Variants in ADCYAP1R1 observed in about 807,000 individuals in gnomAD.
The protein encoded by ADCYAP1R1 is ADCYAP receptor type I.
Under a neutral mutation model 67.6 loss-of-function variants are expected in ADCYAP1R1, and 44 were observed. The observed-to-expected ratio is 0.65, with a 90% CI of 0.51 to 0.84. ADCYAP1R1 has a LOEUF of 0.84. Ranked by LOEUF, ADCYAP1R1 falls within the 40% of genes least tolerant of loss-of-function variation. The probability of loss-of-function intolerance (pLI) is 0.00; values close to 1 mark genes in which losing one functional copy is unlikely to be tolerated. For missense variants in ADCYAP1R1, 477 were observed against 587.9 expected (o/e 0.81, Z 1.95); for synonymous variants, 222 against 219.6 (o/e 1.01, Z -0.10).
intron 6 of ADCYAP1R1, among the ~76,000 whole-genome samples, chr7:31,083,912 G>C (rs1316660745): frequency 1.3e-5 from 2 of 152,208 alleles, no homozygotes; most frequent in Non-Finnish European, 2.9e-5. Flanking sequence ...GGGATGCAGG[G>C]ATGCTGGATT....
intron 1 of ADCYAP1R1, among the ~76,000 whole-genome samples, chr7:31,053,564 G>A (rs1451983863): frequency 6.6e-6 from 1 of 152,218 alleles, no homozygotes; most frequent in African/African-American, 2.4e-5. Flanking sequence ...CATTTCACGT[G>A]GAGCTGAGGA....
rs1796810446 is a variant in ADCYAP1R1, at chr7:31,110,243, T to G, written c.*3559T>G. On this transcript the variant is annotated 3_prime_UTR_variant, in exon 16 of 16. Coordinates refer to ENST00000304166, the MANE Select transcript of ADCYAP1R1 (RefSeq NM_001118.5). Reference sequence around the variant, plus strand: ...TATCATTTAGTATTATCATAAAGTATTAATACTTTGTCATAAAGTCCTCCT... The same window carrying G: ...TATCATTTAGTATTATCATAAAGTAGTAATACTTTGTCATAAAGTCCTCCT... The G allele has an allele frequency of 6.6e-6, 1 of 151,860 alleles. No homozygotes were observed. The allele number at this position is 151,860 out of a possible 1,614,324, so 9.4% of individuals were successfully genotyped here. A position where few individuals can be genotyped will look rare whatever the true frequency, so the allele number is the denominator to read the frequency against.
chr7:31,076,750 G>T (rs547154882), intron 3 of ADCYAP1R1, among the ~76,000 whole-genome samples: 2 of 152,170 alleles, frequency 1.3e-5, no homozygotes, highest in Non-Finnish European at 2.9e-5. Flanking sequence ...GGGAGTAGGT[G>T]GGGGGAGTGG....
intron 12 of ADCYAP1R1, 24 bp from the exon 13 acceptor site, chr7:31,092,620 G>C: frequency 6.9e-7 from 1 of 1,441,324 alleles, no homozygotes; most frequent in South Asian, 1.2e-5. Flanking sequence ...ATGTCCATCT[G>C]CTTTTTTTTT....
chr7:31,095,579 C>T (rs921126081), intron 13 of ADCYAP1R1: 1 of 712,550 alleles, frequency 1.4e-6, no homozygotes, highest in Non-Finnish European at 2.6e-6. Flanking sequence ...TGCCAGAGTC[C>T]CCTGGGGTAC....
chr7:31,106,672 T>C lies in ADCYAP1R1; in HGVS notation c.1395T>C (p.Asn465=). The C allele has an allele frequency of 5.6e-6, 9 of 1,608,774 alleles. No homozygotes were observed. Among genetic ancestry groups the C allele is most frequent in the Non-Finnish European group, 7.6e-6 (9 of 1,177,368 alleles). Residue 465 remains asparagine (N), a synonymous_variant, in exon 16 of 16, where the codon AAT becomes AAC. Transcript: ENST00000304166. Reference sequence around the variant, plus strand: ...GCATGTCTGGCCTCCCTGCTGACAATCTGGCCACCTGAGCCATGCTCCCCT... The same window carrying C: ...GCATGTCTGGCCTCCCTGCTGACAACCTGGCCACCTGAGCCATGCTCCCCT... ...QIRMSGLPAD[N]LAT is the part of the protein sequence containing the mutation.
intron 13 of ADCYAP1R1, chr7:31,100,101 A>G: frequency 6.5e-7 from 1 of 1,549,472 alleles, no homozygotes; most frequent in South Asian, 1.2e-5. Flanking sequence ...CCCAGCTGAC[A>G]GAAGTGCTAA....
At chr7:31,075,609 C>T (rs542317000) in intron 3 of ADCYAP1R1, among the ~76,000 whole-genome samples, 4 of 152,242 alleles carry the variant, frequency 2.6e-5, no homozygotes, top group South Asian at 2.1e-4. Context: ...TGAGCTGTCT[C>T]GTCCCATGGC....
chr7:31,075,781 G>A (rs551385108), intron 3 of ADCYAP1R1, among the ~76,000 whole-genome samples: 8 of 152,270 alleles, frequency 5.3e-5, no homozygotes, highest in South Asian at 2.1e-4. Flanking sequence ...AAAAGCTTCT[G>A]GTCATAGCTG....
Position 31,086,264 on chromosome 7 carries a change from C to A in ADCYAP1R1, c.670-120C>A. On this transcript the variant is annotated intron_variant, in intron 9 of 15. Transcript: ENST00000304166. This position sits in a 1 kb window ranked among gnomAD's most constrained non-coding sequence, Gnocchi z 5.0. ...CAACTCTTTGATCCAGGAATATTGA[C>A]TCTCTTAGATCCTTGGGATGTTTGA... 1 of 1,031,056 alleles carries A rather than the reference C, an allele frequency of 9.7e-7. No individual in the cohort carries two copies. The allele number at this position is 1,031,056 out of a possible 1,614,324, so 63.9% of individuals were successfully genotyped here.
intron 12 of ADCYAP1R1, among the ~76,000 whole-genome samples, chr7:31,090,335 T>C (rs1795914506): frequency 6.6e-6 from 1 of 152,230 alleles, no homozygotes; most frequent in Admixed American, 6.5e-5. Flanking sequence ...TAATTATATT[T>C]TCTCCTTTTT....
intron 1 of ADCYAP1R1, among the ~76,000 whole-genome samples, chr7:31,059,430 G>T (rs1038589228): frequency 6.6e-6 from 1 of 152,182 alleles, no homozygotes; most frequent in Non-Finnish European, 1.5e-5. Flanking sequence ...AAAACTATCT[G>T]CCCCAACAGA....
At chr7:31,060,775 CTATT>C (rs1256008893) in intron 1 of ADCYAP1R1, among the ~76,000 whole-genome samples, 4 of 152,162 alleles carry the variant, frequency 2.6e-5, no homozygotes, top group Admixed American at 6.5e-5. Context: ...CACTCTCTGT[CTATT>C]TGCTGCCACC....
chr7:31,055,129 C>T (rs560542241), intron 1 of ADCYAP1R1, among the ~76,000 whole-genome samples: 18 of 152,218 alleles, frequency 1.2e-4, no homozygotes, highest in South Asian at 6.2e-4. Flanking sequence ...ACAGCTGGGA[C>T]GGCATATAGG....
At chr7:31,098,538 A>C (rs115686559) in intron 13 of ADCYAP1R1, among the ~76,000 whole-genome samples, 1 of 152,080 alleles carries the variant, frequency 6.6e-6, no homozygotes, top group Non-Finnish European at 1.5e-5. Context: ...GTTGGTGTTG[A>C]TGGTCTGGGG....
intron 6 of ADCYAP1R1, among the ~76,000 whole-genome samples, chr7:31,082,256 G>A (rs551286442): frequency 3.9e-5 from 6 of 152,196 alleles, no homozygotes; most frequent in African/African-American, 1.4e-4. Context: ...TCGTGTTCCT[G>A]TGCAGTTACT....
intron 12 of ADCYAP1R1, among the ~76,000 whole-genome samples, chr7:31,090,622 A>G (rs1458231085): frequency 6.6e-6 from 1 of 152,146 alleles, no homozygotes; most frequent in East Asian, 1.9e-4. Context: ...TTTTATGTCC[A>G]TGAGTGCTCA....
intron 6 of ADCYAP1R1, among the ~76,000 whole-genome samples, chr7:31,082,907 G>C (rs1795569142): frequency 6.6e-6 from 1 of 152,252 alleles, no homozygotes; most frequent in Non-Finnish European, 1.5e-5. Context: ...ACTGGCCTTA[G>C]ATCTTCTAAT....
At position 31,085,777 on chromosome 7, in the gene ADCYAP1R1, G is replaced by T. The variant is rs189267225; in HGVS notation, c.669+335G>T. ...CTGATGCTGAGAGAGGGCTTACCTA[G>T]CCCCTGGTCATTTAACTAGCCTGGG... On this transcript the variant is annotated intron_variant, in intron 9 of 15. Coordinates refer to ENST00000304166, the MANE Select transcript of ADCYAP1R1 (RefSeq NM_001118.5). Among the ~76,000 whole-genome samples, 115 of 152,324 alleles carry T rather than the reference G, an allele frequency of 7.5e-4. No individual in the cohort carries two copies. In the South Asian group the frequency reaches 9.3e-3, roughly 12 times the overall value.
Sources: gnomAD v4.1 joint callset for allele counts (sites outside exome capture counted in the v4.1 genomes callset) on GRCh38, gnomAD v4.1.1 for gene constraint, Gnocchi (gnomAD v3.1) non-coding constraint, MANE v1.5 for transcripts, NCBI Gene and HGNC (gene_info 2026-07-23, HGNC 2026-07-21) for gene names.